PCDHGB1: variants seen among roughly 807,000 people sequenced by gnomAD.
PCDHGB1 encodes the protein protocadherin gamma subfamily B, 1, also known as protocadherin gamma-B1.
PCDHGB1 carries 34 observed loss-of-function variants against 56.6 expected under a neutral mutation model. That is an observed-to-expected ratio of 0.60 (90% confidence interval 0.46 to 0.80). The LOEUF (loss-of-function observed/expected upper bound fraction) is 0.80. Among genes scored for constraint, PCDHGB1 ranks in the 30% least tolerant of loss-of-function variants. The pLI is 0.00. For missense variants in PCDHGB1, 1,278 were observed against 1,204.6 expected (o/e 1.06, Z -0.90); for synonymous variants, 561 against 505.9 (o/e 1.11, Z -1.46).
chr5:141,383,259 C>G (rs768704302), intron 1 of PCDHGB1: 1 of 1,613,810 alleles, frequency 6.2e-7, no homozygotes, highest in South Asian at 1.1e-5. Context: ...ACCCTATAGA[C>G]GTGGAAATAA....
chr5:141,499,150 T>C (rs1424635509), intron 2 of PCDHGB1, among the ~76,000 whole-genome samples: 5 of 152,180 alleles, frequency 3.3e-5, no homozygotes, highest in Non-Finnish European at 1.5e-5. Context: ...CTGATCCCAA[T>C]AGCTGTTGTC....
chr5:141,369,146 G>A (rs1450558377), intron 1 of PCDHGB1, among the ~76,000 whole-genome samples: 4 of 152,168 alleles, frequency 2.6e-5, no homozygotes, highest in African/African-American at 7.2e-5. Context: ...AAAATGGCAT[G>A]TTATTGACCA....
intron 1 of PCDHGB1, chr5:141,423,398 G>C (rs767594062): frequency 6.8e-6 from 11 of 1,614,172 alleles, no homozygotes; most frequent in Non-Finnish European, 9.3e-6. Context: ...CATAAGTCAC[G>C]CCTGCTGCAG....
chr5:141,376,463 A>C (rs1772718380), intron 1 of PCDHGB1: 1 of 1,614,212 alleles, frequency 6.2e-7, no homozygotes, highest in South Asian at 1.1e-5. Context: ...TCTTCTGATA[A>C]CTCAGGATTT....
At chr5:141,403,551 T>G in intron 1 of PCDHGB1, 1 of 1,613,986 alleles carries the variant, frequency 6.2e-7, no homozygotes, top group Non-Finnish European at 8.5e-7. Context: ...GAGCGCGCCC[T>G]GGACAGGGAG....
chr5:141,387,471 T>C (rs1321289050), intron 1 of PCDHGB1, among the ~76,000 whole-genome samples: 3 of 152,232 alleles, frequency 2.0e-5, no homozygotes, highest in East Asian at 1.9e-4. Flanking sequence ...ATCCTCAAAG[T>C]TGGGATGAAG....
chr5:141,404,725 G>T, intron 1 of PCDHGB1: 1 of 1,614,098 alleles, frequency 6.2e-7, no homozygotes. Flanking sequence ...TGACCAAGGT[G>T]GTGGCAGTGG....
chr5:141,368,709 C>T (rs540009128), intron 1 of PCDHGB1, among the ~76,000 whole-genome samples: 5 of 152,276 alleles, frequency 3.3e-5, no homozygotes, highest in African/African-American at 1.2e-4. Flanking sequence ...TTGATCCATA[C>T]ATTTTGAATG....
chr5:141,497,005 A>T (rs1249733879), intron 2 of PCDHGB1, among the ~76,000 whole-genome samples: 1 of 152,134 alleles, frequency 6.6e-6, no homozygotes, highest in Non-Finnish European at 1.5e-5. Context: ...GGCAGCCAAC[A>T]TGGTGAAACC....
chr5:141,447,356 C>T (rs1158878203), intron 1 of PCDHGB1, among the ~76,000 whole-genome samples: 4 of 152,000 alleles, frequency 2.6e-5, no homozygotes, highest in African/African-American at 9.7e-5. Context: ...TCAGGCTGGT[C>T]TCAAACTCCT....
intron 1 of PCDHGB1, chr5:141,427,032 A>G (rs1227315080): frequency 2.2e-6 from 1 of 457,206 alleles, no homozygotes; most frequent in East Asian, 6.9e-5. Flanking sequence ...AGTCAGCCTT[A>G]GAGAGAATGT....
At chr5:141,409,868 A>G in intron 1 of PCDHGB1, 2 of 1,612,688 alleles carry the variant, frequency 1.2e-6, no homozygotes, top group South Asian at 1.1e-5. Context: ...GGGAGACCGC[A>G]ATGACAACGC....
chr5:141,360,577 C>T (rs546241238), intron 1 of PCDHGB1: 3 of 1,613,934 alleles, frequency 1.9e-6, no homozygotes, highest in East Asian at 4.5e-5. Context: ...ATCCACTAAG[C>T]CAGGTACAAC....
At chr5:141,394,945 T>A in intron 1 of PCDHGB1, 1 of 1,613,892 alleles carries the variant, frequency 6.2e-7, no homozygotes, top group African/African-American at 1.3e-5. Context: ...GTCGCTGTGC[T>A]TCTGGGGCTC....
chr5:141,491,901 G>C lies in PCDHGB1; in HGVS notation c.2410-2906G>C, dbSNP rs1196717010. 1 of 1,429,696 alleles carries C rather than the reference G, an allele frequency of 7.0e-7. No homozygotes were observed. The highest frequency in any genetic ancestry group is 9.3e-7 in the Non-Finnish European group (1 of 1,080,148). 88.6% of individuals were successfully genotyped at this position (1,429,696 alleles called of 1,614,324 possible). ...AAGGGATGGGGCTCCGAGCACCGGG[G>C]GTGGTGGCGACTGTGGGCGAGGGGA... On this transcript the variant is annotated intron_variant, in intron 1 of 3. Transcript: ENST00000523390. The surrounding 1 kb of genome is among the most constrained non-coding windows in gnomAD (Gnocchi z 6.9).
chr5:141,385,086 A>G, intron 1 of PCDHGB1: 1 of 1,614,206 alleles, frequency 6.2e-7, no homozygotes, highest in African/African-American at 1.3e-5. Context: ...AGGCTTCAGA[A>G]GGTGGCTTGG....
In PCDHGB1 at chr5:141,410,786, TTCA is replaced by T. The variant is rs1001093749; in HGVS notation, c.2409+58119_2409+58121del. ...ATTATAGTTTTCACTATGTATTTGG[TTCA>T]TAAGTTGCTCTATCTTTTTGTAAAA... On this transcript the variant is annotated intron_variant, in intron 1 of 3. Transcript: ENST00000523390. 39 of 852,378 alleles carry T rather than the reference TTCA, an allele frequency of 4.6e-5. No homozygotes were observed. In the African/African-American group the frequency reaches 6.2e-4, roughly 13 times the overall value. 52.8% of individuals were successfully genotyped at this position (852,378 alleles called of 1,614,324 possible). A position where few individuals can be genotyped will look rare whatever the true frequency, so the allele number is the denominator to read the frequency against.
At chr5:141,417,789 C>G in intron 1 of PCDHGB1, 1 of 1,477,596 alleles carries the variant, frequency 6.8e-7, no homozygotes, top group Non-Finnish European at 9.0e-7. Context: ...GGGCCGAATG[C>G]TCTTTTAGCG....
intron 1 of PCDHGB1, chr5:141,427,552 C>T (rs1233231671): frequency 1.5e-6 from 1 of 645,244 alleles, no homozygotes; most frequent in South Asian, 1.5e-5. Context: ...ATCACTGCCA[C>T]TGACAAGGGC....
Sources: gnomAD v4.1 joint callset for allele counts (sites outside exome capture counted in the v4.1 genomes callset) on GRCh38, gnomAD v4.1.1 for gene constraint, Gnocchi (gnomAD v3.1) non-coding constraint, MANE v1.5 for transcripts, NCBI Gene and HGNC (gene_info 2026-07-23, HGNC 2026-07-21) for gene names.